The following UBL7 variants were observed in gnomAD, a reference collection of about 807,000 sequenced individuals.
The protein encoded by UBL7 is ubiquitin like 7, also known as ubiquitin-like protein 7.
In UBL7, 21 loss-of-function variants were observed where a neutral mutation model predicts 41.7. The ratio of observed to expected loss-of-function variants is 0.50; its 90% confidence interval spans 0.36 to 0.73. The LOEUF is 0.73. Among genes scored for constraint, UBL7 ranks in the 30% least tolerant of loss-of-function variants. The pLI is 0.00. For missense variants in UBL7, 403 were observed against 478.4 expected (o/e 0.84, Z 1.47); for synonymous variants, 157 against 186.9 (o/e 0.84, Z 1.31).
At chr15:74,452,458 G>C in intron 3 of UBL7, 80 bp from the exon 4 acceptor site, 23 of 1,386,314 alleles carry the variant, frequency 1.7e-5, no homozygotes, top group Non-Finnish European at 2.2e-5. Flanking sequence ...ATTTCAGCAT[G>C]TGCCAAGGAG....
chr15:74,450,250 G>A (rs1355108347), intron 6 of UBL7, among the ~76,000 whole-genome samples, 181 bp from the exon 7 acceptor site: 1 of 152,126 alleles, frequency 6.6e-6, no homozygotes, highest in African/African-American at 2.4e-5. Flanking sequence ...CCAGCAACGG[G>A]TGCAAGGCCT....
chr15:74,455,284 T>C (rs527356809), intron 3 of UBL7, among the ~76,000 whole-genome samples: 1 of 152,384 alleles, frequency 6.6e-6, no homozygotes, highest in Admixed American at 6.5e-5. Flanking sequence ...TAATCTCTTT[T>C]ACACAGCTTA....
chr15:74,449,267 G>T lies in UBL7; in HGVS notation c.801C>A (p.Ile267=), dbSNP rs539387794. 6.1e-5 allele frequency: 99 copies of T among 1,612,730 alleles called. No individual in the cohort carries two copies. In the South Asian group the frequency reaches 9.7e-4, roughly 16 times the overall value. ...AGGCGGTGGCCAGCTCACTCTGGGT[G>T]ATGGGCCGGGGCCCAGCAGCTCCAC... ...GYSGAAGPRP[I]TQSELATALA... Residue 267 remains isoleucine, a synonymous_variant, in exon 9 of 11, where the codon ATC becomes ATA. Transcript: ENST00000395081.
intron 4 of UBL7, among the ~76,000 whole-genome samples, chr15:74,451,894 T>C: frequency 6.6e-6 from 1 of 152,210 alleles, no homozygotes; most frequent in East Asian, 1.9e-4. Context: ...TATTTGTATA[T>C]ATCGCTAAGT....
chr15:74,450,710 G>T, intron 6 of UBL7, 92 bp downstream of exon 6: 1 of 1,391,576 alleles, frequency 7.2e-7, no homozygotes, highest in Non-Finnish European at 1.0e-6. Context: ...ACTATGGATG[G>T]GCTCCCAGAG....
rs992368790 is a variant in UBL7 at position 74,449,175 on chromosome 15, C to T, written c.882+11G>A. The T allele has an allele frequency of 6.5e-7, 1 of 1,535,380 alleles. No homozygotes were observed. The highest frequency in any genetic ancestry group is 1.4e-5 in the African/African-American group (1 of 72,382). On this transcript the variant is annotated intron_variant, in intron 9 of 10. Transcript: ENST00000395081. The stretch of plus-strand genomic sequence containing the variant: ...GGCCCAGCCTTGATCTTCCCGGCCC[C>T]GTCTTCATACCTGGGTGCCAGGAGT...
At chr15:74,455,791 A>G (rs2061288058) in intron 3 of UBL7, among the ~76,000 whole-genome samples, 1 of 152,086 alleles carries the variant, frequency 6.6e-6, no homozygotes, top group South Asian at 2.1e-4. Context: ...GTTCGAGACC[A>G]GGTTGACCAA....
At chr15:74,452,515 G>T in intron 3 of UBL7, 137 bp from the exon 4 acceptor site, 1 of 816,058 alleles carries the variant, frequency 1.2e-6, no homozygotes, top group Non-Finnish European at 1.9e-6. Flanking sequence ...TTAAGAATGT[G>T]AGTGCCTGCT....
Position 74,458,677 on chromosome 15 carries a change from G to A in UBL7, c.184+7C>T, listed in dbSNP as rs1251118188. ...CAGCAGCCCAACCCCAGTCCAGAGA[G>A]ACTCACCAATCAGCTCAGGGTCTGG... On this transcript the variant is annotated splice_region_variant and intron_variant, in intron 2 of 10. Transcript: ENST00000395081. The A allele has an allele frequency of 6.2e-7, 1 of 1,608,802 alleles. No homozygotes were observed. The highest frequency in any genetic ancestry group is 8.5e-7 in the Non-Finnish European group (1 of 1,175,696).
At chr15:74,454,034 C>T (rs2061272806) in intron 3 of UBL7, among the ~76,000 whole-genome samples, 1 of 152,196 alleles carries the variant, frequency 6.6e-6, no homozygotes, top group Admixed American at 6.5e-5. Context: ...AGAAGTGGAA[C>T]GCAGCCAGCC....
chr15:74,448,601 C>G lies in UBL7; in HGVS notation c.883-1G>C, dbSNP rs774657345. 1 of 1,613,840 alleles carries G rather than the reference C, an allele frequency of 6.2e-7. No homozygotes were observed. The highest frequency in any genetic ancestry group is 8.5e-7 in the Non-Finnish European group (1 of 1,179,830). On this transcript the variant is annotated splice_acceptor_variant, in intron 9 of 10. Transcript: ENST00000395081. LOFTEE classifies it high-confidence loss of function. The stretch of plus-strand genomic sequence containing the variant: ...TTGGTGAGGTCCCTGAGGAATGACC[C>G]TAGAGACAAATTAGTGGTCAGTGCC...
intron 1 of UBL7, among the ~76,000 whole-genome samples, chr15:74,459,345 G>C (rs1345864111): frequency 1.5e-4 from 23 of 149,134 alleles, no homozygotes. Context: ...CTGTTGCCCA[G>C]GCTGGAGTGC....
Position 74,458,721 on chromosome 15 carries a change from G to T in UBL7, c.147C>A (p.Gly49=). 6.2e-7 allele frequency: 1 copy of T among 1,614,040 alleles called. No individual in the cohort carries two copies. Among genetic ancestry groups the T allele is most frequent in the South Asian group, 1.1e-5 (1 of 91,086 alleles). Residue 49 remains glycine (G), a synonymous_variant, in exon 2 of 11, where the codon GGC becomes GGA. Coordinates refer to ENST00000395081, the MANE Select transcript of UBL7 (RefSeq NM_032907.5). Reference sequence around the variant, plus strand: ...GGTCTGGAACAGACTCCTGGAGTTTGCCAGCAATAAGCTGCTTCAGAAATG... The same window carrying T: ...GGTCTGGAACAGACTCCTGGAGTTTTCCAGCAATAAGCTGCTTCAGAAATG... The part of the protein sequence containing the change: ...SISFLKQLIA[G]KLQESVPDPE...
intron 3 of UBL7, among the ~76,000 whole-genome samples, chr15:74,456,120 C>T (rs549066042): frequency 1.9e-3 from 263 of 139,008 alleles, no homozygotes; most frequent in African/African-American, 7.2e-3. Context: ...GAGTGAGACT[C>T]CGTCTCAGAA....
At position 74,460,371 on chromosome 15, in the gene UBL7, C is replaced by A. The variant is rs576596143; in HGVS notation, c.-30+666G>T. On this transcript the variant is annotated intron_variant, in intron 1 of 10. Transcript: ENST00000395081. ...GCCTCATTCCCCAACAGAGCCCTACCCCTGCAAAGGACCTCCACAACATGT... is the reference window on the plus strand; with the variant it reads ...GCCTCATTCCCCAACAGAGCCCTACACCTGCAAAGGACCTCCACAACATGT... Among the ~76,000 whole-genome samples the A allele has an allele frequency of 4.5e-4, 69 of 152,194 alleles. 1 individual carries two copies. The highest frequency in any genetic ancestry group is 1.6e-3 in the African/African-American group (65 of 41,508).
intron 1 of UBL7, chr15:74,460,585 T>C (rs755143800): frequency 6.6e-6 from 5 of 760,534 alleles, no homozygotes; most frequent in Non-Finnish European, 7.4e-6. Context: ...GCTACAAATA[T>C]CTGCTTGCCC....
intron 4 of UBL7, 114 bp downstream of exon 4, chr15:74,452,182 A>C (rs2061253543): frequency 1.8e-6 from 2 of 1,119,184 alleles, no homozygotes; most frequent in Non-Finnish European, 2.5e-6. Context: ...AAACTCCCCA[A>C]GGAACTCTTG....
At chr15:74,452,644 C>T (rs1483148119) in intron 3 of UBL7, among the ~76,000 whole-genome samples, 2 of 152,192 alleles carry the variant, frequency 1.3e-5, no homozygotes, top group Admixed American at 6.5e-5. Context: ...GAGACTCTTA[C>T]CACATGAAAA....
chr15:74,449,681 G>A lies in UBL7; in HGVS notation c.665-6C>T, dbSNP rs201540038. ...CCCTTCAAACAGGAAGCCACCTGGA[G>A]GAGGACGAACAGATTTCAGGAGGAA... On this transcript the variant is annotated splice_region_variant and splice_polypyrimidine_tract_variant and intron_variant, in intron 7 of 10. Transcript: ENST00000395081. 1.5e-5 allele frequency: 24 copies of A among 1,614,152 alleles called. No individual in the cohort carries two copies. In the East Asian group the frequency reaches 4.9e-4, roughly 33 times the overall value.
Sources: allele counts gnomAD v4.1 joint callset (sites outside exome capture counted in the v4.1 genomes callset), GRCh38; gene constraint gnomAD v4.1.1; transcripts MANE v1.5; gene names NCBI Gene and HGNC (gene_info 2026-07-23, HGNC 2026-07-21).